Variants in RPTOR observed in about 807,000 individuals in gnomAD.
The protein encoded by RPTOR is regulatory-associated protein of mTOR.
A neutral mutation model predicts 169.9 loss-of-function variants in RPTOR; 21 were observed. The ratio of observed to expected loss-of-function variants is 0.12; its 90% CI spans 0.09 to 0.18. The LOEUF (loss-of-function observed/expected upper bound fraction) is 0.18. RPTOR is among the 10% of genes least tolerant of loss of function. RPTOR has a pLI of 1.00. For synonymous variants in RPTOR, 732 were observed against 753.2 expected (o/e 0.97, Z 0.46); for missense variants, 1,133 against 1,855.9 (o/e 0.61, Z 7.16).
intron 3 of RPTOR, among the ~76,000 whole-genome samples, chr17:80,677,947 T>C (rs2065872119): frequency 6.6e-6 from 1 of 152,242 alleles, no homozygotes; most frequent in Non-Finnish European, 1.5e-5. Flanking sequence ...TCCAGGTAGC[T>C]GATGAAATGG....
At chr17:80,791,563 C>T (rs2143495360) in intron 7 of RPTOR, 54 bp downstream of exon 7, 1 of 1,518,578 alleles carries the variant, frequency 6.6e-7, no homozygotes, top group Admixed American at 1.9e-5. Flanking sequence ...AGTTTCTTTT[C>T]CTTTTTGAAG....
intron 6 of RPTOR, among the ~76,000 whole-genome samples, chr17:80,788,270 C>T (rs1366086583): frequency 6.6e-6 from 1 of 151,988 alleles, no homozygotes; most frequent in African/African-American, 2.4e-5. Flanking sequence ...TTCAGGAGTT[C>T]GAGACCAGCC....
At position 80,959,171 on chromosome 17, in the gene RPTOR, T is replaced by C. The variant is rs73359520; in HGVS notation, c.3478-907T>C. Among the ~76,000 whole-genome samples, 9,958 of 152,316 alleles carry C rather than the reference T, an allele frequency of 0.065. 1,076 individuals carry two copies. Among genetic ancestry groups the C allele is most frequent in the African/African-American group, 0.22 (9,123 of 41,566 alleles). ...CGTGTGGGCAGCCTCCCCTCTGACG[T>C]GACCGTGGATCCCTCGAGGCACCAG... On this transcript the variant is annotated intron_variant, in intron 29 of 33. Transcript: ENST00000306801. This position sits in a 1 kb window ranked among gnomAD's most constrained non-coding sequence, Gnocchi z 6.7.
chr17:80,831,855 G>C (rs142075606), intron 9 of RPTOR, among the ~76,000 whole-genome samples: 1 of 58,774 alleles, frequency 1.7e-5, no homozygotes, highest in South Asian at 5.7e-4. Flanking sequence ...CCCTGTGTGT[G>C]CCTGTATGTC....
intron 4 of RPTOR, among the ~76,000 whole-genome samples, chr17:80,720,040 G>T (rs567631707): frequency 6.6e-6 from 1 of 152,088 alleles, no homozygotes; most frequent in Non-Finnish European, 1.5e-5. Flanking sequence ...GGTGGCTCAC[G>T]CCTGTAATCC....
At chr17:80,813,678 C>G (rs1342428644) in intron 7 of RPTOR, among the ~76,000 whole-genome samples, 7 of 152,326 alleles carry the variant, frequency 4.6e-5, no homozygotes, top group South Asian at 2.1e-4. Context: ...GTTCACCTCC[C>G]CTGACCTTGG....
At chr17:80,858,711 G>T (rs2067883875) in intron 13 of RPTOR, among the ~76,000 whole-genome samples, 1 of 152,128 alleles carries the variant, frequency 6.6e-6, no homozygotes, top group South Asian at 2.1e-4. Context: ...GCCTTGAGGG[G>T]GTGGATGTCG....
intron 17 of RPTOR, among the ~76,000 whole-genome samples, chr17:80,890,171 G>A (rs561415716): frequency 5.4e-4 from 82 of 152,306 alleles, no homozygotes; most frequent in South Asian, 3.5e-3. Flanking sequence ...AATAACAGAC[G>A]TGGCCCCTGT....
intron 4 of RPTOR, among the ~76,000 whole-genome samples, chr17:80,729,783 CAG>C (rs1194770368): frequency 1.3e-5 from 2 of 152,138 alleles, no homozygotes; most frequent in Non-Finnish European, 2.9e-5. Flanking sequence ...AGAGATGTGA[CAG>C]AGTTAAAGGA....
chr17:80,754,278 C>G lies in RPTOR; in HGVS notation c.830+93C>G. 1 of 1,284,082 alleles carries G rather than the reference C, an allele frequency of 7.8e-7. No individual in the cohort carries two copies. The highest frequency in any genetic ancestry group is 1.1e-6 in the Non-Finnish European group (1 of 937,606). The allele number at this position is 1,284,082 out of a possible 1,614,324, so 79.5% of individuals were successfully genotyped here. A position where few individuals can be genotyped will look rare whatever the true frequency, so the allele number is the denominator to read the frequency against. On this transcript the variant is annotated intron_variant, in intron 6 of 33. Transcript: ENST00000306801. This position sits in a 1 kb window ranked among gnomAD's most constrained non-coding sequence, Gnocchi z 4.2. ...GTGGGCCCCAGGCATTCACCTGGTC[C>G]CAGGAGCCCACGTGACAGACATGAG... is the stretch of plus-strand genomic sequence containing the variant.
At chr17:80,675,692 C>T (rs1241339443) in intron 3 of RPTOR, among the ~76,000 whole-genome samples, 3 of 152,150 alleles carry the variant, frequency 2.0e-5, no homozygotes, top group East Asian at 1.9e-4. Flanking sequence ...GGCTCGGGCC[C>T]GCAGAACCCG....
chr17:80,945,614 AG>A, intron 25 of RPTOR, 52 bp from the exon 26 acceptor site: 1 of 1,130,262 alleles, frequency 8.8e-7, no homozygotes, highest in Non-Finnish European at 1.3e-6. Flanking sequence ...TAAATAAATA[AG>A]GGGGAAAAGA....
intron 11 of RPTOR, among the ~76,000 whole-genome samples, chr17:80,851,597 A>G (rs1278290253): frequency 6.6e-6 from 1 of 152,228 alleles, no homozygotes; most frequent in African/African-American, 2.4e-5. Flanking sequence ...CATGCTGCCC[A>G]AGGACCTCCG....
At chr17:80,764,996 C>T (rs112815991) in intron 6 of RPTOR, among the ~76,000 whole-genome samples, 8,504 of 151,762 alleles carry the variant, frequency 0.056, 325 homozygotes, top group Non-Finnish European at 0.085. Flanking sequence ...CCAAAGCAGG[C>T]GAGGATTTAA....
intron 1 of RPTOR, among the ~76,000 whole-genome samples, chr17:80,598,204 G>A (rs2065158380): frequency 1.3e-5 from 2 of 152,092 alleles, no homozygotes; most frequent in South Asian, 2.1e-4. Flanking sequence ...CAGTGGATAC[G>A]GTCACCCAAA....
At chr17:80,759,042 C>T (rs562661395) in intron 6 of RPTOR, among the ~76,000 whole-genome samples, 46 of 151,722 alleles carry the variant, frequency 3.0e-4, no homozygotes, top group Admixed American at 2.6e-3. Flanking sequence ...GGCTTCCCTC[C>T]GCGCACAGCT....
intron 25 of RPTOR, chr17:80,941,159 A>T (rs887617492): frequency 6.5e-6 from 1 of 152,872 alleles, no homozygotes; most frequent in Admixed American, 6.5e-5. Context: ...CTCAGTCATG[A>T]TTTTCCTAAA....
intron 24 of RPTOR, among the ~76,000 whole-genome samples, chr17:80,928,861 A>T (rs1413633195): frequency 6.6e-6 from 1 of 152,208 alleles, no homozygotes; most frequent in Non-Finnish European, 1.5e-5. Context: ...TATCCAGAGA[A>T]TCAATCCCTA....
In RPTOR at chr17:80,633,050, G is replaced by A. The variant is rs1001385; in HGVS notation, c.265+7257G>A. Among the ~76,000 whole-genome samples the A allele has an allele frequency of 1.9e-3, 294 of 152,102 alleles. 1 individual carries two copies. Among genetic ancestry groups the A allele is most frequent in the African/African-American group, 6.8e-3 (284 of 41,492 alleles). Reference sequence around the variant, plus strand: ...TGGGCTCAAGTGATCCTCCCACCTCGGCCTCTTAAAGTGTTGAAATGACCG... The same window carrying A: ...TGGGCTCAAGTGATCCTCCCACCTCAGCCTCTTAAAGTGTTGAAATGACCG... On this transcript the variant is annotated intron_variant, in intron 2 of 33. Coordinates refer to ENST00000306801, the MANE Select transcript of RPTOR (RefSeq NM_020761.3). This position sits in a 1 kb window ranked among gnomAD's most constrained non-coding sequence, Gnocchi z 4.1.
Sources: allele counts gnomAD v4.1 joint callset (sites outside exome capture counted in the v4.1 genomes callset), GRCh38; gene constraint gnomAD v4.1.1; non-coding constraint Gnocchi (gnomAD v3.1); transcripts MANE v1.5; gene names NCBI Gene and HGNC (gene_info 2026-07-23, HGNC 2026-07-21).